The following CSMD1 variants were observed in gnomAD, a reference collection of about 807,000 sequenced individuals.
The protein encoded by CSMD1 is CUB and Sushi multiple domains 1.
In CSMD1, 213 loss-of-function variants were observed where a neutral mutation model predicts 417.5. The ratio of observed to expected loss-of-function variants is 0.51; its 90% CI spans 0.46 to 0.57. The LOEUF (loss-of-function observed/expected upper bound fraction) is 0.57, where lower values mean the gene tolerates loss of function less well. Ranked by LOEUF, CSMD1 falls within the 20% of genes least tolerant of loss-of-function variation. The pLI, the probability that CSMD1 is intolerant of heterozygous loss-of-function variation, is 0.00. For synonymous variants in CSMD1, 2,862 were observed against 1,736.8 expected (o/e 1.65, Z -16.11); for missense variants, 6,923 against 4,529.7 (o/e 1.53, Z -15.17).
chr8:4,553,012 G>C (rs1439557341), intron 2 of CSMD1, among the ~76,000 whole-genome samples: 2 of 152,160 alleles, frequency 1.3e-5, no homozygotes, highest in African/African-American at 2.4e-5. Context: ...ATTTCACCGA[G>C]TCAGAACATG....
chr8:3,402,231 G>C (rs563669024), intron 15 of CSMD1, among the ~76,000 whole-genome samples: 9 of 152,038 alleles, frequency 5.9e-5, no homozygotes, highest in African/African-American at 1.9e-4. Flanking sequence ...TAGGGTACTT[G>C]TGTCTTTTTC....
chr8:3,753,829 T>G (rs1289946327), intron 6 of CSMD1, 101 bp downstream of exon 6: 19 of 724,930 alleles, frequency 2.6e-5, no homozygotes, highest in Non-Finnish European at 3.8e-5. Flanking sequence ...TAGAAACCAT[T>G]TTCAAGCTAT....
intron 7 of CSMD1, among the ~76,000 whole-genome samples, chr8:3,682,999 G>C (rs368208053): frequency 6.6e-6 from 1 of 152,038 alleles, no homozygotes; most frequent in African/African-American, 2.4e-5. Flanking sequence ...TGAACAATGA[G>C]AACACATGGA....
At chr8:3,640,569 G>C (rs1014614102) in intron 7 of CSMD1, among the ~76,000 whole-genome samples, 15 of 152,174 alleles carry the variant, frequency 9.9e-5, no homozygotes, top group African/African-American at 3.4e-4. Flanking sequence ...TTGGACAAGA[G>C]AAAATATATT....
chr8:4,845,090 CA>C (rs1310298384), intron 1 of CSMD1, among the ~76,000 whole-genome samples: 1 of 152,052 alleles, frequency 6.6e-6, no homozygotes, highest in African/African-American at 2.4e-5. Context: ...TTCTTTATTA[CA>C]TATCTGTGTT....
At chr8:3,925,757 GT>G (rs1809614416) in intron 5 of CSMD1, among the ~76,000 whole-genome samples, 1 of 152,040 alleles carries the variant, frequency 6.6e-6, no homozygotes, top group Non-Finnish European at 1.5e-5. Flanking sequence ...ATGTGGAACT[GT>G]AAGTCCCATT....
chr8:4,165,497 A>T (rs189464294), intron 3 of CSMD1, among the ~76,000 whole-genome samples: 1 of 152,282 alleles, frequency 6.6e-6, no homozygotes, highest in East Asian at 1.9e-4. Context: ...TCAAGTGCCC[A>T]AGCTCAAGTC....
At chr8:3,624,745 T>G (rs1317224352) in intron 7 of CSMD1, among the ~76,000 whole-genome samples, 2 of 152,216 alleles carry the variant, frequency 1.3e-5, no homozygotes, top group Non-Finnish European at 1.5e-5. Flanking sequence ...ACTCTAGACT[T>G]CAGACCTTCC....
intron 1 of CSMD1, among the ~76,000 whole-genome samples, chr8:4,891,851 AT>A (rs1410648312): frequency 6.6e-6 from 1 of 152,126 alleles, no homozygotes. Context: ...TACACCTTGT[AT>A]TATCCATTGA....
At chr8:3,289,589 T>C (rs1803400224) in intron 25 of CSMD1, among the ~76,000 whole-genome samples, 1 of 145,502 alleles carries the variant, frequency 6.9e-6, no homozygotes, top group African/African-American at 2.8e-5. Flanking sequence ...ATGATGAGCA[T>C]TTTTTCATGT....
intron 5 of CSMD1, among the ~76,000 whole-genome samples, chr8:3,906,642 G>A (rs536210560): frequency 1.9e-4 from 28 of 144,484 alleles, no homozygotes; most frequent in African/African-American, 6.5e-4. Context: ...TTTTTTTTCA[G>A]ATTTGCAAAG....
At chr8:4,978,066 CTT>C (rs997859672) in intron 1 of CSMD1, among the ~76,000 whole-genome samples, 8 of 152,174 alleles carry the variant, frequency 5.3e-5, no homozygotes, top group African/African-American at 1.9e-4. Flanking sequence ...GCATACCTGA[CTT>C]TGAGAAGTGT....
At chr8:3,581,946 A>C (rs955765231) in intron 9 of CSMD1, among the ~76,000 whole-genome samples, 2 of 152,150 alleles carry the variant, frequency 1.3e-5, no homozygotes, top group South Asian at 2.1e-4. Context: ...CTGGGATTAT[A>C]GGCATGCACC....
chr8:3,271,609 A>C (rs1202238928), intron 26 of CSMD1, among the ~76,000 whole-genome samples: 3 of 152,062 alleles, frequency 2.0e-5, no homozygotes, highest in Non-Finnish European at 4.4e-5. Flanking sequence ...TCACTTTTTA[A>C]TGATTGCCAT....
chr8:4,204,216 C>T (rs375753682), intron 3 of CSMD1, among the ~76,000 whole-genome samples: 79 of 152,050 alleles, frequency 5.2e-4, no homozygotes, highest in African/African-American at 1.9e-3. Flanking sequence ...AGTGGTTTTT[C>T]ACACCAGAAC....
intron 3 of CSMD1, among the ~76,000 whole-genome samples, chr8:4,076,894 A>C (rs759464502): frequency 9.9e-5 from 15 of 152,168 alleles, no homozygotes; most frequent in Non-Finnish European, 1.9e-4. Context: ...CAGTCTGAAG[A>C]ACTACTGAAA....
chr8:3,838,273 C>A (rs577667041), intron 5 of CSMD1, among the ~76,000 whole-genome samples: 135 of 152,124 alleles, frequency 8.9e-4, no homozygotes, highest in African/African-American at 3.1e-3. Context: ...TAATGGCTCA[C>A]ACCTGTAACC....
intron 11 of CSMD1, among the ~76,000 whole-genome samples, chr8:3,492,783 G>C (rs1474945044): frequency 2.0e-5 from 3 of 152,258 alleles, no homozygotes; most frequent in East Asian, 3.9e-4. Context: ...TGTTTGCTAA[G>C]ACTCTGGAAT....
chr8:4,981,477 T>C (rs1002269561), intron 1 of CSMD1, among the ~76,000 whole-genome samples: 3 of 152,210 alleles, frequency 2.0e-5, no homozygotes, highest in African/African-American at 7.2e-5. Context: ...TATCATCAAT[T>C]AGAGTTTCAC....
Sources: allele counts gnomAD v4.1 joint callset (sites outside exome capture counted in the v4.1 genomes callset), GRCh38; gene constraint gnomAD v4.1.1; transcripts MANE v1.5; gene names NCBI Gene and HGNC (gene_info 2026-07-23, HGNC 2026-07-21).